Variants in CYP2W1 observed in about 807,000 individuals in gnomAD.
CYP2W1 encodes the protein cytochrome P450 2W1.
CYP2W1 carries 51 observed loss-of-function variants against 44.9 expected under a neutral mutation model. The ratio of observed to expected loss-of-function variants is 1.14; its 90% CI spans 0.91 to 1.43. The LOEUF (loss-of-function observed/expected upper bound fraction) is 1.43. Among genes scored for constraint, CYP2W1 ranks in the 40% most tolerant of loss-of-function variants. The pLI is 0.00. For synonymous variants in CYP2W1, 383 were observed against 338.3 expected, an observed-to-expected ratio of 1.13 and a Z score of -1.45; for missense variants, 746 against 700.0, an observed-to-expected ratio of 1.07 and a Z score of -0.74.
intron 4 of CYP2W1, 44 bp downstream of exon 4, chr7:985,367 G>A (rs2128122807): frequency 6.5e-7 from 1 of 1,534,016 alleles, no homozygotes; most frequent in East Asian, 2.5e-5. Flanking sequence ...GGAGCCTGGA[G>A]TGATGGGCGT....
At chr7:986,179 C>T (rs1008747865) in intron 4 of CYP2W1, among the ~76,000 whole-genome samples, 5 of 152,108 alleles carry the variant, frequency 3.3e-5, no homozygotes, top group African/African-American at 1.2e-4. Context: ...GCGAGTGGCA[C>T]GAGGTGTGGC....
intron 4 of CYP2W1, 52 bp from the exon 5 acceptor site, chr7:986,572 G>A (rs1186529648): frequency 3.1e-6 from 5 of 1,593,422 alleles, no homozygotes; most frequent in African/African-American, 1.3e-5. Flanking sequence ...CCTGCCCAGC[G>A]TGCAGCCCTG....
rs935061016 is a variant in CYP2W1, at chr7:983,461, G to A, written c.174+76G>A. 5 of 1,336,042 alleles carry A rather than the reference G, an allele frequency of 3.7e-6. No homozygotes were observed. The African/African-American group carries it at 6.0e-5, about 16-fold the overall frequency. 82.8% of individuals were successfully genotyped at this position (1,336,042 alleles called of 1,614,324 possible). On this transcript the variant is annotated intron_variant, in intron 1 of 8. Coordinates refer to ENST00000308919, the MANE Select transcript of CYP2W1 (RefSeq NM_017781.3). The stretch of plus-strand genomic sequence containing the variant: ...CTGGCCCCCCTCCTGGGGAAGCCCA[G>A]CCCGGTTTCCACTGCCTGTTCCCAC...
In CYP2W1 at chr7:989,636, C is replaced by G. The variant is rs188871226; in HGVS notation, c.*814C>G. On this transcript the variant is annotated 3_prime_UTR_variant, in exon 9 of 9. Coordinates refer to ENST00000308919, the MANE Select transcript of CYP2W1 (RefSeq NM_017781.3). ...TCTACTAAAAATACAAAAAAATTAA[C>G]CGAGCATGGTGGCACGTGCCTGTAA... 515 of 154,098 alleles carry G rather than the reference C, an allele frequency of 3.3e-3. 1 individual carries two copies. Among genetic ancestry groups the G allele is most frequent in the Middle Eastern group, 6.6e-3 (2 of 304 alleles). 9.5% of individuals were successfully genotyped at this position (154,098 alleles called of 1,614,324 possible). A position where few individuals can be genotyped will look rare whatever the true frequency, so the allele number is the denominator to read the frequency against.
In CYP2W1 at chr7:983,403, G is replaced by C; in HGVS notation, c.174+18G>C. On this transcript the variant is annotated intron_variant, in intron 1 of 8. Transcript: ENST00000308919. ...TGATGGAGGTAAGTCAGGGAGCCCGGGCAGCTCTTGCCGCTTGGACAGCTG... is the reference window on the plus strand; with the variant it reads ...TGATGGAGGTAAGTCAGGGAGCCCGCGCAGCTCTTGCCGCTTGGACAGCTG... 2.0e-6 allele frequency: 3 copies of C among 1,479,874 alleles called. No individual in the cohort carries two copies. In the South Asian group the frequency reaches 3.8e-5, roughly 19 times the overall value. 91.7% of individuals were successfully genotyped at this position (1,479,874 alleles called of 1,614,324 possible).
Position 987,368 on chromosome 7 carries a change from A to C in CYP2W1, c.980A>C (p.Asp327Ala), listed in dbSNP as rs1848443170. Residue 327 changes from aspartate to alanine, a missense_variant, in exon 7 of 9, where the codon GAC (aspartate) becomes GCC (alanine). Asp to Ala is a moderately radical substitution (Grantham distance 126). Transcript: ENST00000308919. Reference sequence around the variant, plus strand: ...CCAGGCCGGGTGCAGGAGGAGCTAGACCGCGTGCTGGGCCCTGGGCGGACT... The same window carrying C: ...CCAGGCCGGGTGCAGGAGGAGCTAGCCCGCGTGCTGGGCCCTGGGCGGACT... Reference protein sequence around the residue: ...DVQGRVQEELDRVLGPGRTPR... With the variant: ...DVQGRVQEELARVLGPGRTPR... 3 of 1,591,612 alleles carry C rather than the reference A, an allele frequency of 1.9e-6. No homozygotes were observed. Among genetic ancestry groups the C allele is most frequent in the Non-Finnish European group, 2.6e-6 (3 of 1,175,464 alleles).
intron 5 of CYP2W1, 138 bp downstream of exon 5, chr7:986,935 A>T: frequency 7.6e-7 from 1 of 1,318,142 alleles, no homozygotes; most frequent in Non-Finnish European, 1.0e-6. Context: ...TCAGAGCCTC[A>T]GTCTCCTTGT....
At chr7:986,509 C>A in intron 4 of CYP2W1, 115 bp from the exon 5 acceptor site, 1 of 1,253,212 alleles carries the variant, frequency 8.0e-7, no homozygotes, top group African/African-American at 1.5e-5. Flanking sequence ...CCGCCTCCAG[C>A]ACATCCACCC....
chr7:988,572 C>T (rs1490908405), intron 8 of CYP2W1, 63 bp from the exon 9 acceptor site: 1 of 1,597,260 alleles, frequency 6.3e-7, no homozygotes. Flanking sequence ...GGGGAGGTCC[C>T]CACCCCTCCC....
At chr7:983,442 C>G in intron 1 of CYP2W1, 57 bp downstream of exon 1, 1 of 1,369,866 alleles carries the variant, frequency 7.3e-7, no homozygotes, top group Non-Finnish European at 9.5e-7. Flanking sequence ...TGTCCTGGCC[C>G]CCCTCCTGGG....
intron 1 of CYP2W1, 63 bp downstream of exon 1, chr7:983,448 C>T: frequency 1.5e-6 from 2 of 1,354,930 alleles, no homozygotes; most frequent in Non-Finnish European, 9.6e-7. Context: ...GGCCCCCCTC[C>T]TGGGGAAGCC....
rs1015366213 is a variant in CYP2W1 at position 984,374 on chromosome 7, G to A, written c.175-38G>A. On this transcript the variant is annotated intron_variant, in intron 1 of 8. Coordinates refer to ENST00000308919, the MANE Select transcript of CYP2W1 (RefSeq NM_017781.3). ...AGGGGACCTAAGGGGGGTCTTGTGG[G>A]TGAGGGCTGCCCGGGTGACCCCCGC... 69 of 1,539,908 alleles carry A rather than the reference G, an allele frequency of 4.5e-5. 1 individual carries two copies. Among genetic ancestry groups the A allele is most frequent in the Middle Eastern group, 1.7e-4 (1 of 5,984 alleles).
intron 4 of CYP2W1, 131 bp from the exon 5 acceptor site, chr7:986,493 C>T (rs776865836): frequency 6.5e-6 from 7 of 1,073,430 alleles, no homozygotes; most frequent in Non-Finnish European, 9.6e-6. Flanking sequence ...TCCCCCCGTT[C>T]TGTGGCCGCC....
chr7:988,494 C>A (rs111380875), intron 8 of CYP2W1, 76 bp downstream of exon 8: 1 of 1,600,842 alleles, frequency 6.2e-7, no homozygotes, highest in Admixed American at 1.7e-5. Context: ...CTCCGCCTGC[C>A]GCCTCTGCAC....
At position 988,306 on chromosome 7, in the gene CYP2W1, G is replaced by A. The variant is rs1446511081; in HGVS notation, c.1173G>A (p.Ser391=). Residue 391 remains serine, a synonymous_variant, in exon 8 of 9, where the codon TCG becomes TCA. Transcript: ENST00000308919. Reference sequence around the variant, plus strand: ...CGCCCGTGATTCCCCTGCTGACCTCGGTGCTCCTGGATGAGACACAGTGGC... The same window carrying A: ...CGCCCGTGATTCCCCTGCTGACCTCAGTGCTCCTGGATGAGACACAGTGGC... ...KGTPVIPLLT[S]VLLDETQWQT... The A allele has an allele frequency of 1.2e-5, 20 of 1,604,894 alleles. No homozygotes were observed. The highest frequency in any genetic ancestry group is 1.4e-5 in the Non-Finnish European group (17 of 1,173,986).
At position 988,832 on chromosome 7, in the gene CYP2W1, C is replaced by A. The variant is rs376213292; in HGVS notation, c.*10C>A. The A allele has an allele frequency of 5.3e-6, 8 of 1,514,672 alleles. No individual in the cohort carries two copies. Among genetic ancestry groups the A allele is most frequent in the Non-Finnish European group, 7.1e-6 (8 of 1,124,730 alleles). The allele number at this position is 1,514,672 out of a possible 1,614,324, so 93.8% of individuals were successfully genotyped here. ...GGTGCCCAGGCCCTAGGAGCTCCCC[C>A]AGCCCCCAGGTCCTCCTGACCACTC... On this transcript the variant is annotated 3_prime_UTR_variant, in exon 9 of 9. Coordinates refer to ENST00000308919, the MANE Select transcript of CYP2W1 (RefSeq NM_017781.3).
intron 1 of CYP2W1, 99 bp downstream of exon 1, chr7:983,484 C>G (rs949093716): frequency 2.4e-5 from 30 of 1,232,896 alleles, no homozygotes; most frequent in Admixed American, 6.6e-5. Context: ...TGCCTGTTCC[C>G]ACATGGTGCC....
chr7:983,637 T>C (rs1407677580), intron 1 of CYP2W1, among the ~76,000 whole-genome samples: 5 of 151,626 alleles, frequency 3.3e-5, no homozygotes, highest in Admixed American at 2.6e-4. Flanking sequence ...GGAGCAGGAG[T>C]CTGGAGGGCT....
chr7:983,445 CT>C (rs1458740973), intron 1 of CYP2W1, 60 bp downstream of exon 1: 1 of 1,362,164 alleles, frequency 7.3e-7, no homozygotes, highest in East Asian at 2.9e-5. Flanking sequence ...CCTGGCCCCC[CT>C]CCTGGGGAAG....
Sources: gnomAD v4.1 joint callset for allele counts (sites outside exome capture counted in the v4.1 genomes callset) on GRCh38, gnomAD v4.1.1 for gene constraint, MANE v1.5 for transcripts, NCBI Gene and HGNC (gene_info 2026-07-23, HGNC 2026-07-21) for gene names.